Variants in OPHN1 observed in about 807,000 individuals in gnomAD.
OPHN1 encodes the protein oligophrenin-1.
OPHN1 carries 11 observed loss-of-function variants against 60.7 expected under a neutral mutation model. The observed-to-expected ratio is 0.18, with a 90% CI of 0.11 to 0.30. The LOEUF (loss-of-function observed/expected upper bound fraction) is 0.30, where lower values mean the gene tolerates loss of function less well. OPHN1 is among the 10% of genes least tolerant of loss of function. The pLI, the probability that OPHN1 is intolerant of heterozygous loss-of-function variation, is 1.00. For synonymous variants in OPHN1, 226 were observed against 222.6 expected (o/e 1.02, Z -0.14); for missense variants, 449 against 611.0 (o/e 0.73, Z 2.80).
chrX:68,293,937 C>T (rs2078081719), intron 3 of OPHN1, among the ~76,000 whole-genome samples: 1 of 110,863 alleles, frequency 9.0e-6, no homozygotes, highest in Non-Finnish European at 1.9e-5. Flanking sequence ...CGCATCATCC[C>T]GTCCCCCAAT....
At position 68,076,081 on chromosome X, in the gene OPHN1, A is replaced by G. The variant is rs181745307; in HGVS notation, c.1687-2782T>C. Among the ~76,000 whole-genome samples, 586 of 110,742 alleles carry G rather than the reference A, an allele frequency of 5.3e-3. 3 individuals are homozygous for G. Among genetic ancestry groups the G allele is most frequent in the African/African-American group, 0.019 (573 of 30,732 alleles). ...ATGTCTGATAAAGAACTTGTATTAT[A>G]TATATATTATATAAAGAACTCCCAA... On this transcript the variant is annotated intron_variant, in intron 19 of 24. Transcript: ENST00000355520.
chrX:68,222,271 A>C (rs1249962484), intron 6 of OPHN1, among the ~76,000 whole-genome samples: 39 of 108,318 alleles, frequency 3.6e-4, no homozygotes, highest in Admixed American at 1.7e-3. Flanking sequence ...TTAAAAAGTC[A>C]GGAAACAACA....
At chrX:68,150,977 T>A (rs1407058407) in intron 15 of OPHN1, among the ~76,000 whole-genome samples, 1 of 111,809 alleles carries the variant, frequency 8.9e-6, no homozygotes, top group African/African-American at 3.3e-5. Flanking sequence ...AAAATTTATT[T>A]AGTGGAAGAA....
chrX:68,144,861 TA>T (rs1217419898), intron 15 of OPHN1, among the ~76,000 whole-genome samples: 2 of 112,145 alleles, frequency 1.8e-5, no homozygotes, highest in African/African-American at 6.5e-5. Context: ...TGCCCTTCAA[TA>T]AAGCTCAATA....
chrX:68,374,716 T>C (rs767425331), intron 2 of OPHN1, among the ~76,000 whole-genome samples: 3 of 112,111 alleles, frequency 2.7e-5, no homozygotes, highest in Non-Finnish European at 5.6e-5. Flanking sequence ...TCAGAATACA[T>C]AAAAGATTCA....
At chrX:68,294,774 GT>G (rs2078086762) in intron 3 of OPHN1, among the ~76,000 whole-genome samples, 1 of 111,603 alleles carries the variant, frequency 9.0e-6, no homozygotes, top group Non-Finnish European at 1.9e-5. Flanking sequence ...TTCTCCATCT[GT>G]TGAATTGAGG....
intron 21 of OPHN1, among the ~76,000 whole-genome samples, chrX:68,055,791 T>A (rs753212536): frequency 9.8e-5 from 11 of 112,018 alleles, no homozygotes; most frequent in Non-Finnish European, 2.1e-4. Context: ...GGATGAGTTC[T>A]TGTCCTCTGT....
chrX:68,083,054 CTTTTTTTTTTTTTTT>C (rs869083899), intron 19 of OPHN1, among the ~76,000 whole-genome samples: 1 of 37,450 alleles, frequency 2.7e-5, no homozygotes, highest in South Asian at 3.1e-3. Context: ...CTGCTAGTTT[CTTTTTTTTTTTTTTT>C]TTTTTTTTTT....
chrX:68,078,632 G>A (rs1242307496), intron 19 of OPHN1, among the ~76,000 whole-genome samples: 2 of 110,805 alleles, frequency 1.8e-5, no homozygotes, highest in African/African-American at 6.6e-5. Context: ...CCAGACCATA[G>A]ACACCCTCCC....
In OPHN1 at chrX:68,206,617, T is replaced by C; in HGVS notation, c.889A>G (p.Thr297Ala). ...TGCTCCATAGGCGTCATGGTCAGTG[T>C]TTTGGTCTCTTTCTCATACTGGCAA... is the stretch of plus-strand genomic sequence containing the variant. Reference protein sequence around the residue: ...YYCQYEKETKTLTMTPMEQKP... With the variant: ...YYCQYEKETKALTMTPMEQKP... Residue 297 changes from threonine (T) to alanine (A), a missense_variant, in exon 10 of 25, where the codon ACA becomes GCA. By Grantham distance (58) the Thr-to-Ala change is moderately conservative. This residue lies in a region of OPHN1 where 166 missense variants were observed against 278.4 expected (regional missense o/e 0.60). Transcript: ENST00000355520. 2 of 1,211,076 alleles carry C rather than the reference T, an allele frequency of 1.7e-6. No homozygotes were observed. Among genetic ancestry groups the C allele is most frequent in the Non-Finnish European group, 2.2e-6 (2 of 894,728 alleles).
chrX:68,355,215 T>C (rs1218520446), intron 2 of OPHN1, among the ~76,000 whole-genome samples: 5 of 112,682 alleles, frequency 4.4e-5, no homozygotes, highest in Non-Finnish European at 7.5e-5. Context: ...GAAAACTTAA[T>C]AACTGCATCT....
chrX:68,081,442 T>C (rs1387724613), intron 19 of OPHN1, among the ~76,000 whole-genome samples: 1 of 111,552 alleles, frequency 9.0e-6, no homozygotes, highest in Non-Finnish European at 1.9e-5. Flanking sequence ...CTCATAGGGT[T>C]GTTGTGATGG....
chrX:68,334,149 G>A (rs1421245915), intron 2 of OPHN1, among the ~76,000 whole-genome samples: 2 of 110,962 alleles, frequency 1.8e-5, no homozygotes, highest in East Asian at 5.7e-4. Flanking sequence ...CTGCCCACCT[G>A]AGCCTCCCAA....
At chrX:68,170,698 C>T (rs1314263947) in intron 15 of OPHN1, among the ~76,000 whole-genome samples, 4 of 101,764 alleles carry the variant, frequency 3.9e-5, no homozygotes, top group African/African-American at 1.5e-4. Context: ...AACCAAACAC[C>T]GCATATTCTC....
At chrX:68,240,753 A>C (rs2077776754) in intron 5 of OPHN1, among the ~76,000 whole-genome samples, 1 of 111,197 alleles carries the variant, frequency 9.0e-6, no homozygotes, top group Non-Finnish European at 1.9e-5. Flanking sequence ...CTTAAGTCTT[A>C]TATGTCCAGC....
intron 4 of OPHN1, among the ~76,000 whole-genome samples, chrX:68,281,463 A>G (rs1357890580): frequency 2.7e-5 from 3 of 112,169 alleles, no homozygotes; most frequent in Non-Finnish European, 5.6e-5. Context: ...AAAAGCTAAA[A>G]AATTCCAAAA....
chrX:68,091,730 T>C (rs2077019126), intron 19 of OPHN1, among the ~76,000 whole-genome samples: 1 of 111,014 alleles, frequency 9.0e-6, no homozygotes, highest in Non-Finnish European at 1.9e-5. Flanking sequence ...TCCCCACTAA[T>C]TCCTGGCAGC....
At chrX:68,372,594 C>T (rs912192737) in intron 2 of OPHN1, among the ~76,000 whole-genome samples, 1 of 110,980 alleles carries the variant, frequency 9.0e-6, no homozygotes, top group Non-Finnish European at 1.9e-5. Flanking sequence ...TTCTAAACTA[C>T]GAAGGGCTGA....
At chrX:68,214,383 G>A (rs889384608) in intron 6 of OPHN1, among the ~76,000 whole-genome samples, 3 of 112,131 alleles carry the variant, frequency 2.7e-5, no homozygotes, top group Admixed American at 9.5e-5. Context: ...CCAATACTGA[G>A]GGGATTACAA....
Sources: allele counts gnomAD v4.1 joint callset (sites outside exome capture counted in the v4.1 genomes callset), GRCh38; gene constraint gnomAD v4.1.1; regional missense constraint gnomAD v4.1.1; transcripts MANE v1.5; gene names NCBI Gene and HGNC (gene_info 2026-07-23, HGNC 2026-07-21).